The following DLGAP2 variants were observed in gnomAD, a reference collection of about 807,000 sequenced individuals.
DLGAP2 encodes DLG associated protein 2.
Under a neutral mutation model 100.3 loss-of-function variants are expected in DLGAP2, and 26 were observed. That is an observed-to-expected ratio of 0.26 (90% CI 0.19 to 0.36). The LOEUF (loss-of-function observed/expected upper bound fraction) is 0.36. DLGAP2 is among the 10% of genes least tolerant of loss of function. DLGAP2 has a pLI of 1.00. For missense variants in DLGAP2, 1,858 were observed against 1,453.2 expected (o/e 1.28, Z -4.53); for synonymous variants, 886 against 630.1 (o/e 1.41, Z -6.08).
chr8:1,496,332 G>T (rs928558018), intron 3 of DLGAP2, among the ~76,000 whole-genome samples: 1 of 152,050 alleles, frequency 6.6e-6, no homozygotes, highest in African/African-American at 2.4e-5. Flanking sequence ...GTGCATGGGG[G>T]TCGGAACCTG....
chr8:1,072,586 C>T (rs1803468724), intron 2 of DLGAP2, among the ~76,000 whole-genome samples: 2 of 152,128 alleles, frequency 1.3e-5, no homozygotes, highest in African/African-American at 4.8e-5. Context: ...TGGCTGTTCC[C>T]GAGAGCATTG....
intron 2 of DLGAP2, among the ~76,000 whole-genome samples, chr8:1,217,932 C>T (rs760067776): frequency 3.8e-4 from 57 of 151,892 alleles, no homozygotes; most frequent in Non-Finnish European, 7.9e-4. Context: ...TGTCCTTTGC[C>T]CATTTTTTAA....
chr8:1,125,847 T>C lies in DLGAP2; in HGVS notation c.74-133004T>C, dbSNP rs190934467. Among the ~76,000 whole-genome samples the C allele has an allele frequency of 3.7e-3, 565 of 151,978 alleles. 2 individuals carry two copies. The highest frequency in any genetic ancestry group is 0.013 in the African/African-American group (531 of 41,448). ...AAGCCTGGAGTTAGTGGGGCTGAGG[T>C]GGTGGGGAGGTGGAAATGCGGGGAG... On this transcript the variant is annotated intron_variant, in intron 2 of 14. Coordinates refer to ENST00000637795, the MANE Select transcript of DLGAP2 (RefSeq NM_001346810.2).
At chr8:1,267,622 AT>A (rs1799491171) in intron 3 of DLGAP2, among the ~76,000 whole-genome samples, 6 of 111,920 alleles carry the variant, frequency 5.4e-5, no homozygotes, top group East Asian at 4.9e-4. Context: ...ATAAGATAAG[AT>A]AAATATTAAA....
chr8:1,282,140 C>T (rs1182741615), intron 3 of DLGAP2, among the ~76,000 whole-genome samples: 1 of 149,572 alleles, frequency 6.7e-6, no homozygotes, highest in African/African-American at 2.5e-5. Flanking sequence ...GTGACCTGAA[C>T]CCAGCGCATG....
chr8:747,198 C>CTGAG (rs1820637419), intron 1 of DLGAP2, among the ~76,000 whole-genome samples: 1 of 152,090 alleles, frequency 6.6e-6, no homozygotes, highest in South Asian at 2.1e-4. Context: ...GACTGCTCTT[C>CTGAG]TGAGTTTGTG....
At chr8:1,474,773 A>G (rs952667643) in intron 3 of DLGAP2, among the ~76,000 whole-genome samples, 2 of 152,232 alleles carry the variant, frequency 1.3e-5, no homozygotes, top group African/African-American at 4.8e-5. Flanking sequence ...ATGCTTATAC[A>G]CTGCCAGTGC....
At chr8:1,267,637 G>GAAATCAAATCAAATCAAATCAAA (rs1382093781) in intron 3 of DLGAP2, among the ~76,000 whole-genome samples, 1 of 91,980 alleles carries the variant, frequency 1.1e-5, no homozygotes, top group Non-Finnish European at 2.3e-5. Context: ...TATTAAATAG[G>GAAATCAAATCAAATCAAATCAAA]TCTACAAAAA....
At chr8:1,606,223 T>C (rs990485665) in intron 6 of DLGAP2, among the ~76,000 whole-genome samples, 25 of 152,198 alleles carry the variant, frequency 1.6e-4, no homozygotes, top group African/African-American at 5.8e-4. Context: ...TAAAGCTAAA[T>C]AGAGTGCTCT....
At chr8:1,561,836 T>TG (rs201203698) in intron 5 of DLGAP2, among the ~76,000 whole-genome samples, 1 of 19,406 alleles carries the variant, frequency 5.2e-5, no homozygotes, top group Non-Finnish European at 8.9e-5. Context: ...TGTGTGGTGT[T>TG]GGGTGTCCGC....
intron 1 of DLGAP2, among the ~76,000 whole-genome samples, chr8:756,729 G>A (rs990971151): frequency 4.6e-5 from 7 of 152,012 alleles, no homozygotes; most frequent in African/African-American, 1.4e-4. Context: ...GTCTCCCCAC[G>A]CAGGCTCTGC....
In DLGAP2 at chr8:1,053,112, G is replaced by A. The variant is rs374404789; in HGVS notation, c.73+145146G>A. On this transcript the variant is annotated intron_variant, in intron 2 of 14. Coordinates refer to ENST00000637795, the MANE Select transcript of DLGAP2 (RefSeq NM_001346810.2). ...AATGTGCTTTGCCGTTTGCAATTTCGCAATGGAAAAGAGGTGCTGTACGTT... is the reference window on the plus strand; with the variant it reads ...AATGTGCTTTGCCGTTTGCAATTTCACAATGGAAAAGAGGTGCTGTACGTT... 6.6e-5 allele frequency among the ~76,000 whole-genome samples: 10 copies of A among 152,240 alleles called. 1 individual carries two copies. The highest frequency in any genetic ancestry group is 2.0e-4 in the Admixed American group (3 of 15,284).
chr8:1,492,723 G>A (rs568483519), intron 3 of DLGAP2, among the ~76,000 whole-genome samples: 85 of 152,310 alleles, frequency 5.6e-4, no homozygotes, highest in African/African-American at 1.9e-3. Flanking sequence ...CTTCCAACCA[G>A]GCACCTTCCC....
intron 3 of DLGAP2, among the ~76,000 whole-genome samples, chr8:1,482,994 G>T (rs1799138799): frequency 6.6e-6 from 1 of 152,218 alleles, no homozygotes; most frequent in South Asian, 2.1e-4. Context: ...GGGCCCTGGC[G>T]CACCTGTTCT....
At chr8:1,098,119 G>A (rs376406745) in intron 2 of DLGAP2, among the ~76,000 whole-genome samples, 14 of 152,226 alleles carry the variant, frequency 9.2e-5, no homozygotes, top group African/African-American at 1.7e-4. Flanking sequence ...AAACGTTGGC[G>A]GCGCCACTGG....
At chr8:1,512,118 G>A (rs1456650470) in intron 4 of DLGAP2, among the ~76,000 whole-genome samples, 2 of 152,196 alleles carry the variant, frequency 1.3e-5, no homozygotes, top group Admixed American at 6.5e-5. Context: ...CCTCCCTAAC[G>A]CGTCTGGTCC....
At chr8:1,204,957 G>T (rs938634398) in intron 2 of DLGAP2, among the ~76,000 whole-genome samples, 1 of 152,162 alleles carries the variant, frequency 6.6e-6, no homozygotes, top group Non-Finnish European at 1.5e-5. Context: ...CCTCCAGCAG[G>T]ATTAATTCAG....
chr8:1,344,272 T>C (rs1489374454), intron 3 of DLGAP2, among the ~76,000 whole-genome samples: 1 of 152,186 alleles, frequency 6.6e-6, no homozygotes, highest in East Asian at 1.9e-4. Context: ...TCGAGCTACG[T>C]GCCCAGGCAT....
chr8:865,086 C>T lies in DLGAP2; in HGVS notation c.19-42826C>T, dbSNP rs560214103. On this transcript the variant is annotated intron_variant, in intron 1 of 14. Coordinates refer to ENST00000637795, the MANE Select transcript of DLGAP2 (RefSeq NM_001346810.2). ...GTTTTCAATCTCAGCTATGCGGTCT[C>T]ATGGCCGCTGTCCCTGTAGGACCCC... 9.2e-5 allele frequency among the ~76,000 whole-genome samples: 14 copies of T among 152,336 alleles called. No homozygotes were observed. The South Asian group carries it at 2.3e-3, about 25-fold the overall frequency.
Sources: gnomAD v4.1 joint callset for allele counts (sites outside exome capture counted in the v4.1 genomes callset) on GRCh38, gnomAD v4.1.1 for gene constraint, MANE v1.5 for transcripts, NCBI Gene and HGNC (gene_info 2026-07-23, HGNC 2026-07-21) for gene names.